Variants in HMCN1 observed in about 807,000 individuals in gnomAD.
HMCN1 encodes hemicentin 1.
In HMCN1, 321 loss-of-function variants were observed where a neutral mutation model predicts 625.9. The observed-to-expected ratio is 0.51, with a 90% CI of 0.47 to 0.56. The LOEUF is 0.56. HMCN1 is among the 20% of genes least tolerant of loss of function. The pLI, the probability that HMCN1 is intolerant of heterozygous loss-of-function variation, is 0.00. For missense variants in HMCN1, 6,588 were observed against 6,887.3 expected (o/e 0.96, Z 1.54); for synonymous variants, 2,425 against 2,417.6 (o/e 1.00, Z -0.09).
At chr1:185,997,810 C>A (rs1652907436) in intron 25 of HMCN1, among the ~76,000 whole-genome samples, 1 of 142,268 alleles carries the variant, frequency 7.0e-6, no homozygotes, top group South Asian at 2.2e-4. Context: ...TTATTTCATT[C>A]TTTTTTTTTT....
In HMCN1 at chr1:186,016,984, G is replaced by C; in HGVS notation, c.5213G>C (p.Gly1738Ala). Reference protein sequence around the residue: ...DVLVPPAIEGGDETSYFIVMV... With the variant: ...DVLVPPAIEGADETSYFIVMV... ...CTAGTGCCACCAGCTATAGAAGGAG[G>C]AGATGAAACATCTTACTTCATTGTG... Residue 1738 changes from glycine (G) to alanine (A), a missense_variant, in exon 33 of 107, where the codon GGA (glycine) becomes GCA (alanine). Around this residue, in one of 3 missense-constraint regions of HMCN1, gnomAD observed 4,628 missense variants for 4,853.1 expected, o/e 0.95. Coordinates refer to ENST00000271588, the MANE Select transcript of HMCN1 (RefSeq NM_031935.3). 1 of 1,602,958 alleles carries C rather than the reference G, an allele frequency of 6.2e-7. No individual in the cohort carries two copies. Among genetic ancestry groups the C allele is most frequent in the Non-Finnish European group, 8.5e-7 (1 of 1,170,248 alleles).
At chr1:186,005,648 A>C (rs914182433) in intron 29 of HMCN1, among the ~76,000 whole-genome samples, 1 of 152,122 alleles carries the variant, frequency 6.6e-6, no homozygotes, top group Admixed American at 6.6e-5. Context: ...AAAACATGGA[A>C]GAATACAAAT....
chr1:185,789,085 T>G (rs887459318), intron 1 of HMCN1, among the ~76,000 whole-genome samples: 4 of 152,224 alleles, frequency 2.6e-5, no homozygotes, highest in African/African-American at 9.6e-5. Context: ...AATTCACATG[T>G]AGTATTTGTC....
intron 28 of HMCN1, among the ~76,000 whole-genome samples, chr1:186,002,525 A>G (rs1005369640): frequency 5.3e-5 from 8 of 152,032 alleles, no homozygotes; most frequent in East Asian, 1.9e-4. Context: ...CAAAATCACC[A>G]TTATTATATT....
chr1:186,104,822 A>T (rs536012228), intron 69 of HMCN1, among the ~76,000 whole-genome samples: 4 of 152,302 alleles, frequency 2.6e-5, no homozygotes, highest in African/African-American at 4.8e-5. Context: ...CATTACAGTA[A>T]CTTAGAGTCA....
At chr1:186,161,349 G>A (rs1213826979) in intron 97 of HMCN1, among the ~76,000 whole-genome samples, 2,405 of 150,264 alleles carry the variant, frequency 0.016, 36 homozygotes, top group Non-Finnish European at 0.026. Context: ...AATACAACAC[G>A]CTGATGGGTC....
intron 1 of HMCN1, among the ~76,000 whole-genome samples, chr1:185,779,777 G>A (rs1273387822): frequency 6.6e-6 from 1 of 152,192 alleles, no homozygotes; most frequent in East Asian, 1.9e-4. Context: ...AAGTCAGGTA[G>A]TGTGATGCCT....
chr1:185,769,360 A>C (rs1656077484), intron 1 of HMCN1, among the ~76,000 whole-genome samples: 1 of 152,104 alleles, frequency 6.6e-6, no homozygotes, highest in South Asian at 2.1e-4. Flanking sequence ...AGATGGGAAG[A>C]CTGCTTAAGC....
chr1:186,015,344 C>G lies in HMCN1; in HGVS notation c.4816C>G (p.Pro1606Ala). The G allele has an allele frequency of 3.1e-6, 5 of 1,613,714 alleles. No homozygotes were observed. Among genetic ancestry groups the G allele is most frequent in the Non-Finnish European group, 4.2e-6 (5 of 1,179,752 alleles). Residue 1606 changes from proline (P) to alanine (A), a missense_variant, in exon 31 of 107, where the codon CCT becomes GCT. This residue lies in a region of HMCN1 where 4,628 missense variants were observed against 4,853.1 expected (regional missense o/e 0.95). Transcript: ENST00000271588. Reference protein sequence around the residue: ...YIDKGQYLHIPRAQVSDSATY... With the variant: ...YIDKGQYLHIARAQVSDSATY... ...TGATAAAGGACAATATCTTCATATT[C>G]CTCGAGCACAGGTCTCTGATTCAGC...
Position 186,048,713 on chromosome 1 carries a change from T to C in HMCN1, c.6481-30T>C, listed in dbSNP as rs745928496. 4 of 1,296,080 alleles carry C rather than the reference T, an allele frequency of 3.1e-6. No individual in the cohort carries two copies. The East Asian group carries it at 6.9e-5, about 22-fold the overall frequency. The allele number at this position is 1,296,080 out of a possible 1,614,324, so 80.3% of individuals were successfully genotyped here. A position where few individuals can be genotyped will look rare whatever the true frequency, so the allele number is the denominator to read the frequency against. ...AAAAAACCCCAAGTGAAATAGAAAG[T>C]GTGATTTCAAAGGATGATTTTGTTT... On this transcript the variant is annotated intron_variant, in intron 41 of 106. Coordinates refer to ENST00000271588, the MANE Select transcript of HMCN1 (RefSeq NM_031935.3).
chr1:185,949,561 G>A (rs1356629133), intron 11 of HMCN1, among the ~76,000 whole-genome samples: 7 of 151,008 alleles, frequency 4.6e-5, no homozygotes, highest in African/African-American at 1.7e-4. Context: ...GGATATAAAG[G>A]TTTCACTGAA....
chr1:185,916,065 CAT>C (rs1491210759), intron 6 of HMCN1, among the ~76,000 whole-genome samples: 6 of 141,356 alleles, frequency 4.2e-5, no homozygotes, highest in South Asian at 4.2e-4. Context: ...TGCGTGTGTG[CAT>C]ATGTGTGTGT....
At chr1:186,100,368 T>G (rs1407332092) in intron 68 of HMCN1, among the ~76,000 whole-genome samples, 1 of 152,046 alleles carries the variant, frequency 6.6e-6, no homozygotes, top group Non-Finnish European at 1.5e-5. Flanking sequence ...CATCTTAACT[T>G]GGGGAAATAT....
intron 2 of HMCN1, among the ~76,000 whole-genome samples, chr1:185,858,569 GCCA>G (rs1662627799): frequency 1.3e-5 from 1 of 79,410 alleles, no homozygotes; most frequent in African/African-American, 7.0e-5. Context: ...ATGCCTATAT[GCCA>G]CCACACCCAG....
chr1:186,133,886 T>A (rs1649381622), intron 86 of HMCN1, among the ~76,000 whole-genome samples: 1 of 137,068 alleles, frequency 7.3e-6, no homozygotes, highest in Non-Finnish European at 1.5e-5. Flanking sequence ...CAGCCCTCCT[T>A]AGGCATACCA....
At chr1:186,031,644 G>C (rs892237405) in intron 36 of HMCN1, among the ~76,000 whole-genome samples, 1 of 151,710 alleles carries the variant, frequency 6.6e-6, no homozygotes, top group Non-Finnish European at 1.5e-5. Flanking sequence ...CTCCCATTAT[G>C]TTTGATGGTG....
rs144619022 is a variant in HMCN1, at chr1:185,766,379, A to G, written c.268+31332A>G. On this transcript the variant is annotated intron_variant, in intron 1 of 106. Transcript: ENST00000271588. ...GCATAACCCAGCCAACTTGAGCCCAAGGCCTACCCATGGTAGGGAGTTTAA... is the reference window on the plus strand; with the variant it reads ...GCATAACCCAGCCAACTTGAGCCCAGGGCCTACCCATGGTAGGGAGTTTAA... Among the ~76,000 whole-genome samples, 118 of 152,258 alleles carry G rather than the reference A, an allele frequency of 7.7e-4. 1 individual carries two copies. Among genetic ancestry groups the G allele is most frequent in the African/African-American group, 2.8e-3 (116 of 41,560 alleles).
intron 2 of HMCN1, among the ~76,000 whole-genome samples, chr1:185,858,823 T>C (rs1662666379): frequency 6.6e-6 from 1 of 151,606 alleles, no homozygotes; most frequent in Admixed American, 6.6e-5. Flanking sequence ...CAGTCACATT[T>C]CCATTACTTC....
intron 11 of HMCN1, among the ~76,000 whole-genome samples, chr1:185,952,419 G>A (rs1649262458): frequency 1.3e-5 from 2 of 151,756 alleles, no homozygotes; most frequent in African/African-American, 2.4e-5. Flanking sequence ...ACTCAGCGAC[G>A]CTTGGGGTTG....
Sources: gnomAD v4.1 joint callset for allele counts (sites outside exome capture counted in the v4.1 genomes callset) on GRCh38, gnomAD v4.1.1 for gene constraint, gnomAD v4.1.1 regional missense constraint, MANE v1.5 for transcripts, NCBI Gene and HGNC (gene_info 2026-07-23, HGNC 2026-07-21) for gene names.